The following SPMIP2 variants were observed in gnomAD, a reference collection of about 807,000 sequenced individuals.
SPMIP2 encodes protein SPMIP2.
chr4:158,897,588 A>G, the SPMIP2 span, among the ~76,000 whole-genome samples: 16 of 152,250 alleles, frequency 1.1e-4, no homozygotes, highest in Middle Eastern at 3.4e-3. Context: ...TTCTCTGATG[A>G]CCAGTGATGA....
At chr4:159,009,207 A>C in the SPMIP2 span, among the ~76,000 whole-genome samples, 4 of 152,228 alleles carry the variant, frequency 2.6e-5, no homozygotes. Flanking sequence ...ATGGCTTCTC[A>C]TACAGTGTTC....
chr4:158,956,003 A>G, the SPMIP2 span, among the ~76,000 whole-genome samples: 2 of 152,198 alleles, frequency 1.3e-5, no homozygotes, highest in Admixed American at 1.3e-4. Context: ...TTCTGAGGCC[A>G]CTGATCACCT....
chr4:158,980,607 A>G, the SPMIP2 span, among the ~76,000 whole-genome samples: 4 of 152,254 alleles, frequency 2.6e-5, no homozygotes, highest in Non-Finnish European at 4.4e-5. Flanking sequence ...CCCGCAGCAG[A>G]GAGGCCTGAC....
At chr4:159,052,612 A>ATTT in the SPMIP2 span, among the ~76,000 whole-genome samples, 1 of 150,176 alleles carries the variant, frequency 6.7e-6, no homozygotes, top group African/African-American at 2.4e-5. Flanking sequence ...TCTCAAGACT[A>ATTT]TTATTATTAT....
chr4:159,013,881 A>C, the SPMIP2 span, among the ~76,000 whole-genome samples: 1 of 151,444 alleles, frequency 6.6e-6, no homozygotes, highest in Non-Finnish European at 1.5e-5. Context: ...ATTTCACTTA[A>C]TGAGGTCCTG....
chr4:158,948,084 T>C, the SPMIP2 span, among the ~76,000 whole-genome samples: 2 of 152,172 alleles, frequency 1.3e-5, no homozygotes, highest in Non-Finnish European at 2.9e-5. Context: ...TTATACTCGA[T>C]AAAGCTCCTT....
At chr4:158,927,385 T>C in the SPMIP2 span, among the ~76,000 whole-genome samples, 3 of 152,380 alleles carry the variant, frequency 2.0e-5, no homozygotes, top group East Asian at 1.9e-4. Context: ...ATATCTCTTA[T>C]ACACAACGTA....
the SPMIP2 span, among the ~76,000 whole-genome samples, chr4:159,004,545 C>T: frequency 6.6e-6 from 1 of 152,072 alleles, no homozygotes; most frequent in African/African-American, 2.4e-5. Flanking sequence ...CCTGCCTTGA[C>T]CTCCCAAAGT....
At chr4:158,897,063 A>G in the SPMIP2 span, among the ~76,000 whole-genome samples, 6 of 150,776 alleles carry the variant, frequency 4.0e-5, no homozygotes, top group Admixed American at 6.6e-5. Flanking sequence ...TCATTGTTCA[A>G]CTCCCACGTA....
chr4:159,027,344 C>G, the SPMIP2 span, among the ~76,000 whole-genome samples: 245 of 152,162 alleles, frequency 1.6e-3, 1 homozygote, highest in African/African-American at 5.5e-3. Context: ...ACTATCTTAG[C>G]TTTTAATTTA....
the SPMIP2 span, among the ~76,000 whole-genome samples, chr4:159,013,761 A>G: frequency 6.6e-6 from 1 of 152,324 alleles, no homozygotes; most frequent in East Asian, 1.9e-4. Context: ...ATGCAATATT[A>G]TTTAGTCTTA....
At chr4:159,065,734 A>C in the SPMIP2 span, among the ~76,000 whole-genome samples, 2 of 152,200 alleles carry the variant, frequency 1.3e-5, no homozygotes, top group Non-Finnish European at 2.9e-5. Context: ...ACATACATAC[A>C]GTTCTTTCCT....
chr4:158,911,364 A>AAATAAATAAATAAAT, the SPMIP2 span, among the ~76,000 whole-genome samples: 1 of 147,210 alleles, frequency 6.8e-6, no homozygotes, highest in Non-Finnish European at 1.5e-5. Flanking sequence ...ATAAATAAAT[A>AAATAAATAAATAAAT]AATAAATAAA....
the SPMIP2 span, among the ~76,000 whole-genome samples, chr4:159,036,841 CTGT>C: frequency 6.6e-6 from 1 of 152,148 alleles, no homozygotes; most frequent in Non-Finnish European, 1.5e-5. Context: ...CCTACTCTTT[CTGT>C]TGTTAATTAA....
At chr4:159,043,413 C>T in the SPMIP2 span, among the ~76,000 whole-genome samples, 7 of 152,178 alleles carry the variant, frequency 4.6e-5, no homozygotes, top group African/African-American at 1.7e-4. Flanking sequence ...GTGGCGCGAT[C>T]TCGGCTCACT....
chr4:158,929,878 T>C, the SPMIP2 span, among the ~76,000 whole-genome samples: 1 of 152,200 alleles, frequency 6.6e-6, no homozygotes, highest in African/African-American at 2.4e-5. Flanking sequence ...CCAGTGCCCT[T>C]TATTTCTTCA....
At chr4:158,919,360 G>C in the SPMIP2 span, among the ~76,000 whole-genome samples, 3 of 152,132 alleles carry the variant, frequency 2.0e-5, no homozygotes, top group African/African-American at 7.2e-5. Context: ...CTTCAGTCTG[G>C]AACCGTTTCT....
chr4:158,962,147 TAA>T, the SPMIP2 span, among the ~76,000 whole-genome samples: 6 of 152,190 alleles, frequency 3.9e-5, no homozygotes, highest in African/African-American at 1.4e-4. Flanking sequence ...ACACAATTTC[TAA>T]AATGAGTAAA....
chr4:158,980,541 C>T, the SPMIP2 span, among the ~76,000 whole-genome samples: 1 of 152,326 alleles, frequency 6.6e-6, no homozygotes. Flanking sequence ...CTGCAGCCTT[C>T]GCTGGTGATA....
Sources: gnomAD v4.1 joint callset for allele counts (sites outside exome capture counted in the v4.1 genomes callset) on GRCh38, gnomAD v4.1.1 for gene constraint, MANE v1.5 for transcripts, NCBI Gene and HGNC (gene_info 2026-07-23, HGNC 2026-07-21) for gene names.